BCKDHB: variants seen among roughly 807,000 people sequenced by gnomAD.
BCKDHB encodes branched chain keto acid dehydrogenase E1 subunit beta.
BCKDHB carries 41 observed loss-of-function variants against 48.5 expected under a neutral mutation model. The observed-to-expected ratio is 0.85, with a 90% CI of 0.66 to 1.10. The LOEUF (loss-of-function observed/expected upper bound fraction) is 1.10. BCKDHB is among the 50% of genes least tolerant of loss of function. BCKDHB has a pLI of 0.00. For synonymous variants in BCKDHB, 201 were observed against 174.8 expected (o/e 1.15, Z -1.18); for missense variants, 496 against 494.2 (o/e 1.00, Z -0.03).
rs1773816774 is a variant in BCKDHB at position 80,189,963 on chromosome 6, A to G, written c.743-10971A>G. ...GGACTACAAATAATAGTTTCTGGCT[A>G]TGTAAATAAACTTGGAGTTCTTCAT... is the stretch of plus-strand genomic sequence containing the variant. On this transcript the variant is annotated intron_variant, in intron 6 of 9. Transcript: ENST00000320393. 3.9e-5 allele frequency among the ~76,000 whole-genome samples: 6 copies of G among 152,164 alleles called. No individual in the cohort carries two copies. The South Asian group carries it at 1.2e-3, about 32-fold the overall frequency.
At chr6:80,364,112 G>A in the BCKDHB span, among the ~76,000 whole-genome samples, 1 of 152,274 alleles carries the variant, frequency 6.6e-6, no homozygotes, top group East Asian at 1.9e-4. Flanking sequence ...GTGATATCCT[G>A]CCTGTTTTTC....
intron 8 of BCKDHB, among the ~76,000 whole-genome samples, chr6:80,269,951 C>CT (rs1777666162): frequency 6.6e-6 from 1 of 151,792 alleles, no homozygotes; most frequent in Non-Finnish European, 1.5e-5. Flanking sequence ...CATTAAAAGC[C>CT]TATTAAAGGG....
At chr6:80,350,273 C>T (rs950867963), downstream of BCKDHB, among the ~76,000 whole-genome samples, 4 of 151,560 alleles carry the variant, frequency 2.6e-5, no homozygotes, top group African/African-American at 9.7e-5. Flanking sequence ...AGAAGAAAAC[C>T]GAAGATATAA....
At chr6:80,368,750 C>G in the BCKDHB span, among the ~76,000 whole-genome samples, 5 of 151,986 alleles carry the variant, frequency 3.3e-5, no homozygotes, top group Non-Finnish European at 7.4e-5. Flanking sequence ...GTGGCTCACA[C>G]CTGTAATCCC....
intron 8 of BCKDHB, among the ~76,000 whole-genome samples, chr6:80,246,916 C>G (rs868012617): frequency 1.1e-4 from 16 of 152,114 alleles, no homozygotes; most frequent in African/African-American, 3.9e-4. Flanking sequence ...GACACACCTT[C>G]AAGGGCCCAG....
the BCKDHB span, among the ~76,000 whole-genome samples, chr6:80,434,822 C>T: frequency 1.3e-5 from 2 of 152,180 alleles, no homozygotes; most frequent in Non-Finnish European, 2.9e-5. Flanking sequence ...TTGAGCTCCA[C>T]GACTTGTTCA....
the BCKDHB span, among the ~76,000 whole-genome samples, chr6:80,387,960 C>T: frequency 3.9e-5 from 6 of 152,168 alleles, no homozygotes; most frequent in African/African-American, 1.2e-4. Flanking sequence ...ATTCAGGGAC[C>T]TTCTACCTCA....
intron 5 of BCKDHB, chr6:80,169,818 T>A: frequency 6.2e-7 from 1 of 1,608,694 alleles, no homozygotes; most frequent in Non-Finnish European, 8.5e-7. Context: ...CAGATCAAAG[T>A]TATAAGCTTA....
At chr6:80,177,385 C>A (rs1773215150) in intron 6 of BCKDHB, among the ~76,000 whole-genome samples, 1 of 151,352 alleles carries the variant, frequency 6.6e-6, no homozygotes, top group Admixed American at 6.6e-5. Flanking sequence ...TGGTTTAAGC[C>A]CAGAAATTTA....
chr6:80,266,787 A>G (rs1228691749), intron 8 of BCKDHB, among the ~76,000 whole-genome samples: 1 of 152,080 alleles, frequency 6.6e-6, no homozygotes, highest in Non-Finnish European at 1.5e-5. Flanking sequence ...AAGACATCAG[A>G]GACTTCCAGT....
chr6:80,154,309 T>C (rs983343771), intron 3 of BCKDHB, among the ~76,000 whole-genome samples: 2 of 152,176 alleles, frequency 1.3e-5, no homozygotes, highest in Non-Finnish European at 2.9e-5. Context: ...ATGAAACAAA[T>C]TATATCAAGT....
intron 3 of BCKDHB, among the ~76,000 whole-genome samples, chr6:80,137,311 C>G (rs1289222896): frequency 6.6e-6 from 1 of 152,174 alleles, no homozygotes; most frequent in African/African-American, 2.4e-5. Flanking sequence ...ACACTGACCT[C>G]TCAGAACTTT....
At chr6:80,268,325 T>C (rs1185665135) in intron 8 of BCKDHB, among the ~76,000 whole-genome samples, 1 of 152,118 alleles carries the variant, frequency 6.6e-6, no homozygotes, top group Non-Finnish European at 1.5e-5. Flanking sequence ...TCTTGATTAA[T>C]GAAGTATACG....
chr6:80,145,338 C>T (rs1358811813), intron 3 of BCKDHB, among the ~76,000 whole-genome samples: 1 of 152,138 alleles, frequency 6.6e-6, no homozygotes, highest in East Asian at 1.9e-4. Context: ...GTTGATGGTG[C>T]AGTAACAACA....
intron 8 of BCKDHB, among the ~76,000 whole-genome samples, chr6:80,228,184 C>T (rs988327375): frequency 6.6e-6 from 1 of 152,188 alleles, no homozygotes; most frequent in Non-Finnish European, 1.5e-5. Context: ...TAGAAATAAG[C>T]AAACTCCTTT....
chr6:80,252,798 A>G (rs1388146126), intron 8 of BCKDHB, among the ~76,000 whole-genome samples: 1 of 152,198 alleles, frequency 6.6e-6, no homozygotes, highest in Non-Finnish European at 1.5e-5. Flanking sequence ...AATATTAAGC[A>G]TAAAAGATTT....
At chr6:80,401,101 T>A in the BCKDHB span, among the ~76,000 whole-genome samples, 2 of 151,370 alleles carry the variant, frequency 1.3e-5, no homozygotes, top group South Asian at 4.2e-4. Context: ...TAAGAAAAAA[T>A]AGTCAATGGA....
At chr6:80,387,849 A>G in the BCKDHB span, among the ~76,000 whole-genome samples, 4,997 of 152,330 alleles carry the variant, frequency 0.033, 221 homozygotes, top group East Asian at 0.12. Context: ...TACATTGATG[A>G]CATTGTGCTG....
At chr6:80,195,795 C>T (rs1432310707) in intron 6 of BCKDHB, among the ~76,000 whole-genome samples, 1 of 152,146 alleles carries the variant, frequency 6.6e-6, no homozygotes, top group East Asian at 1.9e-4. Context: ...GATTTACGCC[C>T]CTCCTACCTT....
Sources: gnomAD v4.1 joint callset for allele counts (sites outside exome capture counted in the v4.1 genomes callset) on GRCh38, gnomAD v4.1.1 for gene constraint, MANE v1.5 for transcripts, NCBI Gene and HGNC (gene_info 2026-07-23, HGNC 2026-07-21) for gene names.